BATF: variants seen among roughly 807,000 people sequenced by gnomAD.
BATF encodes the protein basic leucine zipper transcriptional factor ATF-like.
BATF carries 5 observed loss-of-function variants against 13.7 expected under a neutral mutation model. The ratio of observed to expected loss-of-function variants is 0.36; its 90% confidence interval spans 0.19 to 0.77. The LOEUF is 0.77. BATF is among the 30% of genes least tolerant of loss of function. The pLI is 0.51. For missense variants in BATF, 124 were observed against 163.0 expected, an observed-to-expected ratio of 0.76 and a Z score of 1.30; for synonymous variants, 72 against 67.5, an observed-to-expected ratio of 1.07 and a Z score of -0.33.
rs146615973 is a variant in BATF, at chr14:75,524,799, A to ATTTT, written c.64-274_64-271dup. ...TAAAACACACTTCATCGCCTTAACC[A>ATTTT]TTTTTTTTTTTTTTGGCCAAATACA... is the stretch of plus-strand genomic sequence containing the variant. On this transcript the variant is annotated intron_variant, in intron 1 of 2. Transcript: ENST00000286639. Among the ~76,000 whole-genome samples, 102 of 143,072 alleles carry ATTTT rather than the reference A, an allele frequency of 7.1e-4. 2 individuals are homozygous for ATTTT. The South Asian group carries it at 0.022, about 31-fold the overall frequency. 93.9% of individuals were successfully genotyped at this position (143,072 alleles called of 152,430 possible).
rs767915989 is a variant in BATF, at chr14:75,546,683, G to C, written c.*12G>C. On this transcript the variant is annotated 3_prime_UTR_variant, in exon 3 of 3. Transcript: ENST00000286639. ...GCTTCCAGCCCTGAGCTTCCGATGC[G>C]GGGAGAGCAGAGCCTCGGGAGGGGC... 3.8e-6 allele frequency: 6 copies of C among 1,569,900 alleles called. No homozygotes were observed. Among genetic ancestry groups the C allele is most frequent in the Non-Finnish European group, 4.3e-6 (5 of 1,158,170 alleles).
intron 2 of BATF, among the ~76,000 whole-genome samples, chr14:75,537,000 A>G (rs191287456): frequency 2.3e-4 from 35 of 152,316 alleles, no homozygotes; most frequent in African/African-American, 8.2e-4. Context: ...CCCTTTTCCT[A>G]GAAATCAATC....
intron 1 of BATF, among the ~76,000 whole-genome samples, chr14:75,523,364 T>C (rs1887604551): frequency 6.6e-6 from 1 of 152,136 alleles, no homozygotes. Context: ...ATCTCTTTGC[T>C]TGTGGCTTCT....
intron 2 of BATF, among the ~76,000 whole-genome samples, chr14:75,526,659 C>G (rs752814413): frequency 1.3e-5 from 2 of 152,220 alleles, no homozygotes; most frequent in Non-Finnish European, 2.9e-5. Context: ...TATTTGTTAA[C>G]TTTTTGGAAA....
At chr14:75,528,997 A>G (rs551113872) in intron 2 of BATF, among the ~76,000 whole-genome samples, 2 of 152,228 alleles carry the variant, frequency 1.3e-5, no homozygotes, top group East Asian at 1.9e-4. Flanking sequence ...GGAAAGATAT[A>G]CCTTATGTAA....
At chr14:75,525,012 C>T (rs886974835) in intron 1 of BATF, 72 bp from the exon 2 acceptor site, 8 of 1,308,274 alleles carry the variant, frequency 6.1e-6, no homozygotes, top group South Asian at 1.3e-5. Context: ...GGATACCACA[C>T]ACCACCAGAG....
At position 75,531,817 on chromosome 14, in the gene BATF, C is replaced by T. The variant is rs147757757; in HGVS notation, c.168+6629C>T. Reference sequence around the variant, plus strand: ...CTGAGGAGGCAGAGAAGGATGCTTACGGTCCTATTTCACTCCTGGAATTCT... The same window carrying T: ...CTGAGGAGGCAGAGAAGGATGCTTATGGTCCTATTTCACTCCTGGAATTCT... On this transcript the variant is annotated intron_variant, in intron 2 of 2. Coordinates refer to ENST00000286639, the MANE Select transcript of BATF (RefSeq NM_006399.5). Among the ~76,000 whole-genome samples the T allele has an allele frequency of 3.8e-3, 572 of 152,252 alleles. 1 individual carries two copies. The highest frequency in any genetic ancestry group is 0.01 in the African/African-American group (435 of 41,548).
chr14:75,522,883 C>T, intron 1 of BATF, 138 bp downstream of exon 1: 1 of 1,001,408 alleles, frequency 1.0e-6, no homozygotes, highest in Non-Finnish European at 1.5e-6. Context: ...AGACTTAGGA[C>T]ATGGAATTTG....
At chr14:75,534,391 T>G (rs1210280830) in intron 2 of BATF, among the ~76,000 whole-genome samples, 1 of 152,224 alleles carries the variant, frequency 6.6e-6, no homozygotes, top group Non-Finnish European at 1.5e-5. Flanking sequence ...CCAGTGGAAC[T>G]GATACTTCGA....
rs967042488 is a variant in BATF at position 75,522,541 on chromosome 14, G to T, written c.-142G>T. The T allele has an allele frequency of 1.2e-6, 1 of 809,226 alleles. No individual in the cohort carries two copies. Among genetic ancestry groups the T allele is most frequent in the South Asian group, 1.5e-5 (1 of 64,856 alleles). 50.1% of individuals were successfully genotyped at this position (809,226 alleles called of 1,614,324 possible). A position where few individuals can be genotyped will look rare whatever the true frequency, so the allele number is the denominator to read the frequency against. ...AGTGAGGAGGACGCAGGGGTCAGAG[G>T]TGGCTACAGGGCAGGCAGAGGAGGC... On this transcript the variant is annotated 5_prime_UTR_variant, in exon 1 of 3. Coordinates refer to ENST00000286639, the MANE Select transcript of BATF (RefSeq NM_006399.5).
Position 75,546,446 on chromosome 14 carries a change from A to C in BATF, c.169-16A>C. The C allele has an allele frequency of 1.2e-6, 2 of 1,613,624 alleles. No homozygotes were observed. The highest frequency in any genetic ancestry group is 2.2e-5 in the South Asian group (2 of 91,048). On this transcript the variant is annotated splice_polypyrimidine_tract_variant and intron_variant, in intron 2 of 2. Transcript: ENST00000286639. ...TCCTAGACACTAACCTCCGGTGCTGATCCCCACCCCTACAGGAGAGCGAAG... is the reference window on the plus strand; with the variant it reads ...TCCTAGACACTAACCTCCGGTGCTGCTCCCCACCCCTACAGGAGAGCGAAG...
Position 75,546,545 on chromosome 14 carries a change from G to A in BATF, c.252G>A (p.Ser84=), listed in dbSNP as rs1477634103. 1 of 1,614,002 alleles carries A rather than the reference G, an allele frequency of 6.2e-7. No individual in the cohort carries two copies. Among genetic ancestry groups the A allele is most frequent in the Non-Finnish European group, 8.5e-7 (1 of 1,180,028 alleles). The change falls in exon 3 of 3, where the codon TCG becomes TCA. Residue 84 remains serine, a synonymous_variant. Coordinates refer to ENST00000286639, the MANE Select transcript of BATF (RefSeq NM_006399.5). The part of the protein sequence containing the change: ...QLTEELKYFT[S]VLNSHEPLCS... Reference sequence around the variant, plus strand: ...CAGAGGAACTGAAGTACTTCACGTCGGTGCTGAACAGCCACGAGCCCCTGT... The same window carrying A: ...CAGAGGAACTGAAGTACTTCACGTCAGTGCTGAACAGCCACGAGCCCCTGT...
intron 2 of BATF, among the ~76,000 whole-genome samples, chr14:75,529,954 C>T (rs1417953441): frequency 6.6e-6 from 1 of 150,882 alleles, no homozygotes; most frequent in Non-Finnish European, 1.5e-5. Flanking sequence ...GTCCCAGCTA[C>T]TTGAGAGGCT....
chr14:75,541,986 A>T (rs1422524714), intron 2 of BATF, among the ~76,000 whole-genome samples: 1 of 149,912 alleles, frequency 6.7e-6, no homozygotes, highest in Non-Finnish European at 1.5e-5. Context: ...TTCTCGGGAG[A>T]CCTTTGCCCA....
In BATF at chr14:75,522,472, G is replaced by A. The variant is rs767147153; in HGVS notation, c.-211G>A. ...AGAGAGAGAGCGTGCAAGCCCCAAA[G>A]CGAGCGACATGTCCCTTTGGGGAGC... On this transcript the variant is annotated 5_prime_UTR_variant, in exon 1 of 3. Transcript: ENST00000286639. The A allele has an allele frequency of 3.9e-5, 22 of 567,652 alleles. No individual in the cohort carries two copies. The highest frequency in any genetic ancestry group is 6.3e-5 in the Non-Finnish European group (20 of 317,130). The allele number at this position is 567,652 out of a possible 1,614,324, so 35.2% of individuals were successfully genotyped here.
chr14:75,533,446 A>G (rs1887770088), intron 2 of BATF, among the ~76,000 whole-genome samples: 1 of 151,176 alleles, frequency 6.6e-6, no homozygotes, highest in South Asian at 2.1e-4. Context: ...AAAAAAAAAA[A>G]GAATGACTGT....
chr14:75,541,756 C>T (rs1052004530), intron 2 of BATF, among the ~76,000 whole-genome samples: 1 of 152,190 alleles, frequency 6.6e-6, no homozygotes, highest in Non-Finnish European at 1.5e-5. Context: ...TTCTGCCTCC[C>T]AGGTTCAAGT....
At chr14:75,523,077 G>A (rs1887597693) in intron 1 of BATF, among the ~76,000 whole-genome samples, 1 of 152,116 alleles carries the variant, frequency 6.6e-6, no homozygotes, top group South Asian at 2.1e-4. Context: ...AGAGTCTACT[G>A]TTCTCCAAGG....
intron 2 of BATF, among the ~76,000 whole-genome samples, chr14:75,528,521 A>T (rs550918334): frequency 6.6e-6 from 1 of 152,366 alleles, no homozygotes; most frequent in African/African-American, 2.4e-5. Context: ...ACTATCTCTG[A>T]CATAAAATGG....
Sources: allele counts gnomAD v4.1 joint callset (sites outside exome capture counted in the v4.1 genomes callset), GRCh38; gene constraint gnomAD v4.1.1; transcripts MANE v1.5; gene names NCBI Gene and HGNC (gene_info 2026-07-23, HGNC 2026-07-21).